The following ADGRL2 variants were observed in gnomAD, a reference collection of about 807,000 sequenced individuals.
ADGRL2 encodes the protein calcium-independent alpha-latrotoxin receptor 2.
ADGRL2 carries 44 observed loss-of-function variants against 157.4 expected under a neutral mutation model. The observed-to-expected ratio is 0.28, with a 90% confidence interval of 0.22 to 0.36. ADGRL2 has a LOEUF of 0.36. Among genes scored for constraint, ADGRL2 ranks in the 10% least tolerant of loss-of-function variants. The pLI is 1.00. For missense variants in ADGRL2, 1,510 were observed against 1,768.9 expected, an observed-to-expected ratio of 0.85 and a Z score of 2.63; for synonymous variants, 585 against 624.7, an observed-to-expected ratio of 0.94 and a Z score of 0.95.
intron 3 of ADGRL2, among the ~76,000 whole-genome samples, chr1:81,676,080 C>T (rs1366422461): frequency 6.6e-6 from 1 of 152,200 alleles, no homozygotes; most frequent in Non-Finnish European, 1.5e-5. Context: ...CAGCTCACTA[C>T]AATCTCTGCC....
At chr1:81,529,430 T>G (rs2079548350) in intron 2 of ADGRL2, among the ~76,000 whole-genome samples, 1 of 152,246 alleles carries the variant, frequency 6.6e-6, no homozygotes, top group Non-Finnish European at 1.5e-5. Context: ...AGTTGCGCCC[T>G]GTGGCATTCT....
At chr1:81,382,958 T>C (rs1387004990) in intron 1 of ADGRL2, among the ~76,000 whole-genome samples, 1 of 152,360 alleles carries the variant, frequency 6.6e-6, no homozygotes, top group Non-Finnish European at 1.5e-5. Flanking sequence ...GTTTTACTTG[T>C]ATGCCTAGCA....
chr1:81,491,035 A>T (rs1331583400), intron 2 of ADGRL2, among the ~76,000 whole-genome samples: 2 of 152,164 alleles, frequency 1.3e-5, no homozygotes, highest in African/African-American at 2.4e-5. Flanking sequence ...TGCCAATAGC[A>T]TTTCCCTAGT....
chr1:81,317,232 G>A (rs1660167732), intron 1 of ADGRL2, among the ~76,000 whole-genome samples: 1 of 152,110 alleles, frequency 6.6e-6, no homozygotes, highest in Non-Finnish European at 1.5e-5. Flanking sequence ...GTAGTACCAA[G>A]GATAAAAACC....
In ADGRL2 at chr1:81,925,671, A is replaced by G. The variant is rs373079531; in HGVS notation, c.288-11057A>G. ...ACAAAGATGCGTTTTTTAAAGCCAC[A>G]CTTCCAAAGTCTTGTTATTTTATTT... On this transcript the variant is annotated intron_variant, in intron 3 of 23. Transcript: ENST00000686636. 2.6e-5 allele frequency among the ~76,000 whole-genome samples: 4 copies of G among 151,868 alleles called. No homozygotes were observed. In the East Asian group the frequency reaches 5.8e-4, roughly 22 times the overall value.
intron 1 of ADGRL2, among the ~76,000 whole-genome samples, chr1:81,333,572 C>A (rs979189684): frequency 6.6e-6 from 1 of 151,904 alleles, no homozygotes; most frequent in Non-Finnish European, 1.5e-5. Flanking sequence ...CCTGCCACTG[C>A]GCCTGGATAA....
At chr1:81,767,926 A>AT (rs1353241138) in intron 2 of ADGRL2, among the ~76,000 whole-genome samples, 1 of 151,990 alleles carries the variant, frequency 6.6e-6, no homozygotes, top group Admixed American at 6.6e-5. Context: ...AATTTATTAG[A>AT]TAATTCACAA....
intron 2 of ADGRL2, among the ~76,000 whole-genome samples, chr1:81,565,043 T>G (rs933804178): frequency 2.2e-4 from 33 of 152,294 alleles, no homozygotes; most frequent in African/African-American, 7.5e-4. Context: ...AAAAAGTCAG[T>G]GGATATAAAT....
chr1:81,978,054 T>A (rs1660674634), intron 17 of ADGRL2, among the ~76,000 whole-genome samples: 1 of 151,586 alleles, frequency 6.6e-6, no homozygotes, highest in Non-Finnish European at 1.5e-5. Context: ...ATTTTACTAG[T>A]TAAAGCTAGT....
Position 81,952,102 on chromosome 1 carries a change from A to C in ADGRL2, c.1754A>C (p.Lys585Thr). 6.2e-7 allele frequency: 1 copy of C among 1,613,070 alleles called. No individual in the cohort carries two copies. Among genetic ancestry groups the C allele is most frequent in the Non-Finnish European group, 8.5e-7 (1 of 1,179,394 alleles). The change falls in exon 9 of 24, where the codon AAA becomes ACA. Residue 585 changes from lysine (K) to threonine (T), a missense_variant. Lys to Thr is a moderately conservative substitution (Grantham distance 78). Coordinates refer to ENST00000686636, the MANE Select transcript of ADGRL2 (RefSeq NM_001366006.2). ...CTTGATGCACAGCTGCAGGAACTGAAACCTAGTGAAAAAGATTCAGCTGGA... is the reference window on the plus strand; with the variant it reads ...CTTGATGCACAGCTGCAGGAACTGACACCTAGTGAAAAAGATTCAGCTGGA... ...DILDAQLQELKPSEKDSAGRS... is the reference protein window; with the variant it reads ...DILDAQLQELTPSEKDSAGRS...
chr1:81,664,218 A>C (rs893216533), intron 3 of ADGRL2, among the ~76,000 whole-genome samples: 1 of 152,206 alleles, frequency 6.6e-6, no homozygotes, highest in Non-Finnish European at 1.5e-5. Flanking sequence ...TAAACAGATG[A>C]AAAGATAAGT....
intron 3 of ADGRL2, among the ~76,000 whole-genome samples, chr1:81,923,458 G>C (rs2095035006): frequency 6.6e-6 from 1 of 152,098 alleles, no homozygotes; most frequent in South Asian, 2.1e-4. Flanking sequence ...ATATTCAGGT[G>C]ACAGGTGCTA....
intron 3 of ADGRL2, among the ~76,000 whole-genome samples, chr1:81,649,332 A>G (rs1310370367): frequency 6.6e-6 from 1 of 152,216 alleles, no homozygotes; most frequent in Non-Finnish European, 1.5e-5. Context: ...AGAATTTGCA[A>G]CAGGGTGAAA....
chr1:81,830,930 T>C (rs77043723), intron 1 of ADGRL2, among the ~76,000 whole-genome samples: 2,196 of 152,324 alleles, frequency 0.014, 40 homozygotes, highest in African/African-American at 0.042. Flanking sequence ...GTCATTATTA[T>C]TTCATTTAGT....
chr1:81,793,612 T>G (rs906608513), intron 2 of ADGRL2, among the ~76,000 whole-genome samples: 1 of 152,084 alleles, frequency 6.6e-6, no homozygotes, highest in South Asian at 2.1e-4. Flanking sequence ...TGATAAGCTG[T>G]AAATATTCTT....
chr1:81,772,121 G>A (rs1051734263), intron 2 of ADGRL2, among the ~76,000 whole-genome samples: 11 of 151,730 alleles, frequency 7.2e-5, no homozygotes, highest in African/African-American at 2.7e-4. Flanking sequence ...ATAGTGGCGG[G>A]CACCTGTAAT....
chr1:81,802,164 C>A (rs2149486615), intron 1 of ADGRL2, among the ~76,000 whole-genome samples: 1 of 151,768 alleles, frequency 6.6e-6, no homozygotes, highest in South Asian at 2.1e-4. Context: ...CCGCTGCCCT[C>A]CGCGCCTGTC....
At chr1:81,532,069 G>A (rs2079613242) in intron 2 of ADGRL2, among the ~76,000 whole-genome samples, 1 of 152,064 alleles carries the variant, frequency 6.6e-6, no homozygotes, top group Non-Finnish European at 1.5e-5. Context: ...CAAGCTCCAT[G>A]GCTTTAATAT....
intron 2 of ADGRL2, among the ~76,000 whole-genome samples, chr1:81,867,907 TAA>T (rs1363506005): frequency 6.6e-6 from 1 of 152,068 alleles, no homozygotes; most frequent in Non-Finnish European, 1.5e-5. Context: ...TAGTTGTTCT[TAA>T]AAATTTGGAG....
Sources: gnomAD v4.1 joint callset for allele counts (sites outside exome capture counted in the v4.1 genomes callset) on GRCh38, gnomAD v4.1.1 for gene constraint, MANE v1.5 for transcripts, NCBI Gene and HGNC (gene_info 2026-07-23, HGNC 2026-07-21) for gene names.